The following ANKRD6 variants were observed in gnomAD, a reference collection of about 807,000 sequenced individuals.
ANKRD6 encodes the protein ankyrin repeat domain 6.
In ANKRD6, 56 loss-of-function variants were observed where a neutral mutation model predicts 82.3. The ratio of observed to expected loss-of-function variants is 0.68; its 90% CI spans 0.55 to 0.85. ANKRD6 has a LOEUF of 0.85. ANKRD6 is among the 40% of genes least tolerant of loss of function. ANKRD6 has a pLI of 0.00. For missense variants in ANKRD6, 852 were observed against 907.6 expected (o/e 0.94, Z 0.79); for synonymous variants, 347 against 352.1 (o/e 0.99, Z 0.16).
intron 9 of ANKRD6, among the ~76,000 whole-genome samples, chr6:89,619,263 G>A (rs1201156151): frequency 6.6e-6 from 1 of 152,162 alleles, no homozygotes; most frequent in Non-Finnish European, 1.5e-5. Context: ...TCACATCCAT[G>A]AATCCTGATA....
intron 1 of ANKRD6, among the ~76,000 whole-genome samples, chr6:89,524,473 C>A (rs1310384984): frequency 6.6e-6 from 1 of 152,124 alleles, no homozygotes; most frequent in Non-Finnish European, 1.5e-5. Context: ...GCCATTATTT[C>A]GTTTCTTACT....
At chr6:89,526,591 G>A (rs1199007639) in intron 1 of ANKRD6, among the ~76,000 whole-genome samples, 1 of 152,180 alleles carries the variant, frequency 6.6e-6, no homozygotes, top group African/African-American at 2.4e-5. Context: ...TGGGTATGGG[G>A]TGAGGGCTCC....
chr6:89,455,782 A>C (rs1291810939), intron 1 of ANKRD6, among the ~76,000 whole-genome samples: 1 of 152,020 alleles, frequency 6.6e-6, no homozygotes, highest in Non-Finnish European at 1.5e-5. Flanking sequence ...CCAGAAGCTG[A>C]TATTGCCATG....
At chr6:89,618,463 A>C in intron 9 of ANKRD6, 2 of 469,842 alleles carry the variant, frequency 4.3e-6, no homozygotes, top group Non-Finnish European at 7.6e-6. Flanking sequence ...TTCTGGGCAG[A>C]TAGTCGCCTG....
intron 3 of ANKRD6, chr6:89,602,792 G>A: frequency 3.9e-6 from 2 of 508,596 alleles, no homozygotes; most frequent in East Asian, 6.4e-5. Context: ...GGCTATTCTT[G>A]CTGTCGGCTT....
At chr6:89,593,547 T>C (rs1172526883) in intron 2 of ANKRD6, among the ~76,000 whole-genome samples, 1 of 152,232 alleles carries the variant, frequency 6.6e-6, no homozygotes, top group East Asian at 1.9e-4. Flanking sequence ...CTTTCCAGAA[T>C]CATTCTAGTG....
intron 1 of ANKRD6, among the ~76,000 whole-genome samples, chr6:89,501,207 C>T (rs543048201): frequency 2.0e-5 from 3 of 152,232 alleles, no homozygotes; most frequent in South Asian, 2.1e-4. Context: ...CAAGACTTAA[C>T]GATTAATTGT....
intron 1 of ANKRD6, among the ~76,000 whole-genome samples, chr6:89,435,668 C>G (rs756413431): frequency 6.6e-6 from 1 of 152,074 alleles, no homozygotes; most frequent in Non-Finnish European, 1.5e-5. Flanking sequence ...TAGGGGAGAC[C>G]CAGTCTCTTC....
At chr6:89,617,067 A>G in intron 8 of ANKRD6, 1 of 391,464 alleles carries the variant, frequency 2.6e-6, no homozygotes, top group Non-Finnish European at 5.2e-6. Context: ...ACTTTGCCTG[A>G]CCTCACTGTT....
intron 1 of ANKRD6, among the ~76,000 whole-genome samples, chr6:89,462,436 C>T (rs968125072): frequency 2.0e-5 from 3 of 151,966 alleles, no homozygotes; most frequent in African/African-American, 4.8e-5. Context: ...CTTCTATCTG[C>T]GTGCCTTAGA....
chr6:89,467,061 A>C (rs1354523258), intron 1 of ANKRD6, among the ~76,000 whole-genome samples: 2 of 152,100 alleles, frequency 1.3e-5, no homozygotes, highest in African/African-American at 2.4e-5. Flanking sequence ...TTTTTCAAGC[A>C]AGCTGGGTGC....
At chr6:89,582,361 T>A (rs1792747760) in intron 2 of ANKRD6, among the ~76,000 whole-genome samples, 6 of 152,056 alleles carry the variant, frequency 3.9e-5, no homozygotes, top group Admixed American at 3.9e-4. Flanking sequence ...GGCTAACTTT[T>A]TTTACTTTTT....
intron 1 of ANKRD6, among the ~76,000 whole-genome samples, chr6:89,439,248 T>C (rs1057270846): frequency 1.3e-5 from 2 of 152,252 alleles, no homozygotes; most frequent in East Asian, 3.9e-4. Context: ...AACAAGAATA[T>C]GCATGTCTTA....
rs866181632 is a variant in ANKRD6 at position 89,602,876 on chromosome 6, C to G, written c.220-153C>G. On this transcript the variant is annotated intron_variant, in intron 3 of 15. Coordinates refer to ENST00000339746, the MANE Select transcript of ANKRD6 (RefSeq NM_001242809.2). Reference sequence around the variant, plus strand: ...TGTCTACTAACAAGACCACAAAGCCCGCCTTGCCTGTGGTAACCAAGCCCT... The same window carrying G: ...TGTCTACTAACAAGACCACAAAGCCGGCCTTGCCTGTGGTAACCAAGCCCT... 8.4e-6 allele frequency: 5 copies of G among 596,360 alleles called. No homozygotes were observed. In the East Asian group the frequency reaches 1.4e-4, roughly 17 times the overall value. The allele number at this position is 596,360 out of a possible 1,614,324, so 36.9% of individuals were successfully genotyped here. A position where few individuals can be genotyped will look rare whatever the true frequency, so the allele number is the denominator to read the frequency against.
chr6:89,605,067 T>C (rs957316718), intron 4 of ANKRD6, among the ~76,000 whole-genome samples: 2 of 151,270 alleles, frequency 1.3e-5, no homozygotes, highest in African/African-American at 2.4e-5. Flanking sequence ...ATACGAGCTA[T>C]GTTCATTAAA....
At position 89,578,286 on chromosome 6, in the gene ANKRD6, C is replaced by CTTTTTTTTTTTTTTTTTTTTTTT. The variant is rs71024383; in HGVS notation, c.120+11194_120+11216dup. On this transcript the variant is annotated intron_variant, in intron 2 of 15. Transcript: ENST00000339746. The stretch of plus-strand genomic sequence containing the variant: ...ATTAGCTTTTTCCCCCTCCCGCCTC[C>CTTTTTTTTTTTTTTTTTTTTTTT]TTTTTTTTTTTTTTTTTTTTTTTTT... Among the ~76,000 whole-genome samples the CTTTTTTTTTTTTTTTTTTTTTTT allele has an allele frequency of 1.8e-4, 21 of 119,098 alleles. 9 individuals are homozygous for CTTTTTTTTTTTTTTTTTTTTTTT. Among genetic ancestry groups the CTTTTTTTTTTTTTTTTTTTTTTT allele is most frequent in the Non-Finnish European group, 2.2e-4 (13 of 58,470 alleles). The allele number at this position is 119,098 out of a possible 152,430, so 78.1% of individuals were successfully genotyped here.
chr6:89,580,197 G>A (rs112185988), intron 2 of ANKRD6, among the ~76,000 whole-genome samples: 2 of 148,372 alleles, frequency 1.3e-5, no homozygotes, highest in Non-Finnish European at 3.0e-5. Flanking sequence ...ATTATACCTC[G>A]AGAAACTTGA....
intron 1 of ANKRD6, among the ~76,000 whole-genome samples, chr6:89,449,531 T>C (rs986422500): frequency 2.6e-5 from 4 of 152,210 alleles, no homozygotes; most frequent in Non-Finnish European, 4.4e-5. Flanking sequence ...ATGGCTGAGA[T>C]AAAGACTGTC....
Position 89,630,634 on chromosome 6 carries a change from G to T in ANKRD6, c.1814G>T (p.Arg605Ile). 1 of 1,613,948 alleles carries T rather than the reference G, an allele frequency of 6.2e-7. No individual in the cohort carries two copies. Among genetic ancestry groups the T allele is most frequent in the Non-Finnish European group, 8.5e-7 (1 of 1,179,840 alleles). The change falls in exon 16 of 16, where the codon AGA (arginine) becomes ATA (isoleucine). Residue 605 changes from arginine to isoleucine, a missense_variant. Arg to Ile is a moderately conservative substitution (Grantham distance 97). Transcript: ENST00000339746. Reference protein sequence around the residue: ...TALLPMNEAARSDQQAGPCVN... With the variant: ...TALLPMNEAAISDQQAGPCVN... ...TTGCTACCCATGAATGAGGCAGCCA[G>T]ATCTGATCAGCAGGCTGGGCCCTGC...
Sources: gnomAD v4.1 joint callset for allele counts (sites outside exome capture counted in the v4.1 genomes callset) on GRCh38, gnomAD v4.1.1 for gene constraint, MANE v1.5 for transcripts, NCBI Gene and HGNC (gene_info 2026-07-23, HGNC 2026-07-21) for gene names.